MTDH: variants seen among roughly 807,000 people sequenced by gnomAD.
MTDH encodes the protein protein LYRIC.
Under a neutral mutation model 72.7 loss-of-function variants are expected in MTDH, and 34 were observed. That is an observed-to-expected ratio of 0.47 (90% confidence interval 0.36 to 0.62). MTDH has a LOEUF of 0.62. MTDH is among the 20% of genes least tolerant of loss of function. The pLI is 0.00. For synonymous variants in MTDH, 266 were observed against 268.9 expected, an observed-to-expected ratio of 0.99 and a Z score of 0.10; for missense variants, 677 against 699.4, an observed-to-expected ratio of 0.97 and a Z score of 0.36.
In MTDH at chr8:97,644,540, C is replaced by A. The variant is rs770171469; in HGVS notation, c.34C>A (p.Gln12Lys). 50 of 1,598,350 alleles carry A rather than the reference C, an allele frequency of 3.1e-5. No homozygotes were observed. The highest frequency in any genetic ancestry group is 3.9e-5 in the Non-Finnish European group (46 of 1,176,656). The change falls in exon 1 of 12, where the codon CAG (glutamine) becomes AAG (lysine). Residue 12 changes from glutamine to lysine, a missense_variant. Physicochemically the swap from Gln to Lys is moderately conservative, Grantham distance 53. Around this residue, in one of 3 missense-constraint regions of MTDH, gnomAD observed 467 missense variants for 469.1 expected, o/e 1.00. Coordinates refer to ENST00000336273, the MANE Select transcript of MTDH (RefSeq NM_178812.4). ...ACGGAGCTGGCAGGACGAGCTGGCC[C>A]AGCAGGCCGAGGAGGGCTCGGCCCG... ...AARSWQDELA[Q>K]QAEEGSARLR...
intron 1 of MTDH, among the ~76,000 whole-genome samples, chr8:97,647,228 C>G (rs1238641059): frequency 2.0e-5 from 3 of 152,154 alleles, no homozygotes; most frequent in Non-Finnish European, 2.9e-5. Flanking sequence ...CCCCAGGGAG[C>G]TTTTTGTTTC....
intron 2 of MTDH, among the ~76,000 whole-genome samples, chr8:97,664,063 T>A (rs1812279798): frequency 6.6e-6 from 1 of 152,026 alleles, no homozygotes; most frequent in Admixed American, 6.6e-5. Context: ...TTTAATTAAT[T>A]TGATACAGTT....
intron 1 of MTDH, among the ~76,000 whole-genome samples, chr8:97,660,804 C>A (rs540361615): frequency 6.6e-6 from 1 of 151,910 alleles, no homozygotes; most frequent in Non-Finnish European, 1.5e-5. Flanking sequence ...TAACTGCTTC[C>A]ATTCCATTAT....
At chr8:97,697,050 A>ACAATGAG (rs1482403574) in intron 6 of MTDH, among the ~76,000 whole-genome samples, 2 of 147,554 alleles carry the variant, frequency 1.4e-5, no homozygotes, top group Admixed American at 1.4e-4. Context: ...GGTTGAAGCT[A>ACAATGAG]CAATGAGCAA....
intron 1 of MTDH, among the ~76,000 whole-genome samples, chr8:97,660,169 G>T (rs1812123542): frequency 6.6e-6 from 1 of 152,126 alleles, no homozygotes; most frequent in Non-Finnish European, 1.5e-5. Flanking sequence ...CAAAAAAAAG[G>T]TAAAAAAAGA....
chr8:97,684,026 G>A (rs113691248), intron 2 of MTDH, among the ~76,000 whole-genome samples: 13,454 of 151,572 alleles, frequency 0.089, 791 homozygotes, highest in African/African-American at 0.16. Context: ...CAGGAGAATC[G>A]CTTGAACCCA....
chr8:97,703,461 C>T (rs533614708), intron 7 of MTDH, among the ~76,000 whole-genome samples: 11 of 152,342 alleles, frequency 7.2e-5, no homozygotes, highest in Admixed American at 2.6e-4. Context: ...ATTGCCCACT[C>T]AATTGCCTAA....
chr8:97,678,482 C>CT (rs1172643336), intron 2 of MTDH, among the ~76,000 whole-genome samples: 48 of 151,822 alleles, frequency 3.2e-4, no homozygotes, highest in African/African-American at 1.1e-3. Flanking sequence ...TTCATTGACT[C>CT]TATTATAGCA....
chr8:97,663,618 G>A (rs1205461699), intron 2 of MTDH, among the ~76,000 whole-genome samples: 1 of 151,886 alleles, frequency 6.6e-6, no homozygotes, highest in African/African-American at 2.4e-5. Context: ...GCGTGGTAGC[G>A]GGCGCCTGTA....
At chr8:97,659,888 G>A (rs1402527626) in intron 1 of MTDH, among the ~76,000 whole-genome samples, 1 of 152,206 alleles carries the variant, frequency 6.6e-6, no homozygotes, top group South Asian at 2.1e-4. Context: ...GCTGGGCACG[G>A]TGGCTCACGC....
chr8:97,685,605 C>G (rs958073837), intron 2 of MTDH, among the ~76,000 whole-genome samples: 2 of 151,728 alleles, frequency 1.3e-5, no homozygotes, highest in African/African-American at 4.8e-5. Context: ...ACTAAAAATA[C>G]AAAAATTAGC....
intron 1 of MTDH, among the ~76,000 whole-genome samples, chr8:97,656,301 CTTTTTTTTTTTT>C (rs34020581): frequency 8.5e-6 from 1 of 117,944 alleles, no homozygotes; most frequent in Non-Finnish European, 1.7e-5. Flanking sequence ...ATTAAGCATA[CTTTTTTTTTTTT>C]TTTTTTTTTT....
rs35895126 is a variant in MTDH, at chr8:97,678,594, C to CTTTTTTTTTTTTTTTTTTTTTTTTTTT, written c.484-8050_484-8049insTTTTTTTTTTTTTTTTTTTTTTTTTTT. ...GTTTCCTTTGCTTCCTTCCTTCCTT[C>CTTTTTTTTTTTTTTTTTTTTTTTTTTT]TTTTTTTTTTTTTTTTTTTTTTTTG... On this transcript the variant is annotated intron_variant, in intron 2 of 11. Transcript: ENST00000336273. Among the ~76,000 whole-genome samples, 6 of 85,322 alleles carry CTTTTTTTTTTTTTTTTTTTTTTTTTTT rather than the reference C, an allele frequency of 7.0e-5. No individual in the cohort carries two copies. The East Asian group carries it at 1.2e-3, about 18-fold the overall frequency. 56.0% of individuals were successfully genotyped at this position (85,322 alleles called of 152,430 possible).
At chr8:97,695,025 A>G (rs1177994011) in intron 6 of MTDH, among the ~76,000 whole-genome samples, 2 of 152,138 alleles carry the variant, frequency 1.3e-5, no homozygotes, top group African/African-American at 4.8e-5. Flanking sequence ...ATATTTGGTA[A>G]AAGAAATGGT....
intron 2 of MTDH, among the ~76,000 whole-genome samples, chr8:97,680,292 A>G (rs1476062072): frequency 6.6e-6 from 1 of 152,088 alleles, no homozygotes. Context: ...GGCTGGTCTC[A>G]AACTCCTGGC....
At chr8:97,664,662 G>A (rs1015678611) in intron 2 of MTDH, among the ~76,000 whole-genome samples, 5 of 151,848 alleles carry the variant, frequency 3.3e-5, no homozygotes, top group African/African-American at 1.2e-4. Context: ...TGTGTATTGC[G>A]CTTTGTGTTT....
intron 8 of MTDH, among the ~76,000 whole-genome samples, chr8:97,709,681 CTT>C (rs975300471): frequency 2.6e-5 from 4 of 152,082 alleles, no homozygotes; most frequent in South Asian, 2.1e-4. Context: ...ATTTATGTAA[CTT>C]TTTATATGTG....
At chr8:97,664,609 AGGTCTAGGTG>A (rs1812304356) in intron 2 of MTDH, among the ~76,000 whole-genome samples, 1 of 152,108 alleles carries the variant, frequency 6.6e-6, no homozygotes, top group South Asian at 2.1e-4. Context: ...TAATGTGGTC[AGGTCTAGGTG>A]ACTCAGTTAA....
intron 10 of MTDH, among the ~76,000 whole-genome samples, chr8:97,722,657 A>G (rs1563573501): frequency 6.6e-6 from 1 of 152,228 alleles, no homozygotes; most frequent in Non-Finnish European, 1.5e-5. Context: ...TAGACATTTT[A>G]TAATTTCATA....
Sources: gnomAD v4.1 joint callset for allele counts (sites outside exome capture counted in the v4.1 genomes callset) on GRCh38, gnomAD v4.1.1 for gene constraint, gnomAD v4.1.1 regional missense constraint, MANE v1.5 for transcripts, NCBI Gene and HGNC (gene_info 2026-07-23, HGNC 2026-07-21) for gene names.